The following PARD3B variants were observed in gnomAD, a reference collection of about 807,000 sequenced individuals.
PARD3B encodes par-3 family cell polarity regulator beta.
PARD3B carries 103 observed loss-of-function variants against 130.2 expected under a neutral mutation model. The ratio of observed to expected loss-of-function variants is 0.79; its 90% CI spans 0.67 to 0.93. The LOEUF (loss-of-function observed/expected upper bound fraction) is 0.93, where lower values mean the gene tolerates loss of function less well. PARD3B is among the 40% of genes least tolerant of loss of function. The pLI is 0.00. For synonymous variants in PARD3B, 583 were observed against 553.2 expected (o/e 1.05, Z -0.76); for missense variants, 1,609 against 1,499.2 (o/e 1.07, Z -1.21).
chr2:205,332,841 T>G (rs988824604), intron 18 of PARD3B, among the ~76,000 whole-genome samples: 2 of 152,144 alleles, frequency 1.3e-5, no homozygotes, highest in African/African-American at 4.8e-5. Context: ...TTGTCTCTAA[T>G]CCTCCCCACA....
intron 2 of PARD3B, among the ~76,000 whole-genome samples, chr2:204,687,366 G>C (rs1024187458): frequency 6.6e-6 from 1 of 152,026 alleles, no homozygotes; most frequent in Non-Finnish European, 1.5e-5. Context: ...AACTAACTAA[G>C]TTTTATAGTC....
chr2:205,477,979 A>G (rs1271510531), intron 20 of PARD3B, among the ~76,000 whole-genome samples: 2 of 152,236 alleles, frequency 1.3e-5, no homozygotes, highest in Non-Finnish European at 2.9e-5. Context: ...ATCCCAACCC[A>G]GGGCTAGCCT....
intron 20 of PARD3B, among the ~76,000 whole-genome samples, chr2:205,494,404 T>A (rs1293005460): frequency 6.6e-6 from 1 of 152,194 alleles, no homozygotes; most frequent in Non-Finnish European, 1.5e-5. Flanking sequence ...CTCTCAATCC[T>A]GGTCCTGATC....
At chr2:205,579,818 T>C (rs1224157182) in intron 22 of PARD3B, among the ~76,000 whole-genome samples, 2 of 152,234 alleles carry the variant, frequency 1.3e-5, no homozygotes, top group African/African-American at 4.8e-5. Context: ...TTCTGCACTA[T>C]TCTTTTTTAA....
At chr2:204,935,365 T>TA (rs1360391304) in intron 2 of PARD3B, among the ~76,000 whole-genome samples, 1 of 111,800 alleles carries the variant, frequency 8.9e-6, no homozygotes. Context: ...CTGTCTCTAC[T>TA]AAAAATACAA....
At chr2:204,939,404 ATTG>A (rs1373656594) in intron 2 of PARD3B, among the ~76,000 whole-genome samples, 1 of 152,196 alleles carries the variant, frequency 6.6e-6, no homozygotes, top group African/African-American at 2.4e-5. Flanking sequence ...CTTTAGAGGA[ATTG>A]TTGTGCTATA....
chr2:204,688,664 A>G (rs2037208127), intron 2 of PARD3B, among the ~76,000 whole-genome samples: 1 of 151,586 alleles, frequency 6.6e-6, no homozygotes, highest in Admixed American at 6.6e-5. Flanking sequence ...TATAGTCCAT[A>G]TGTCTATTGT....
rs576467024 is a variant in PARD3B, at chr2:205,361,103, A to G, written c.2631-39910A>G. ...CGTAATTTGGAGGAATGGTATAAGG[A>G]TAAGAAAAAAAAACTTGGAGGAGAC... On this transcript the variant is annotated intron_variant, in intron 18 of 22. Coordinates refer to ENST00000406610, the MANE Select transcript of PARD3B (RefSeq NM_001302769.2). Among the ~76,000 whole-genome samples, 12 of 152,276 alleles carry G rather than the reference A, an allele frequency of 7.9e-5. No individual in the cohort carries two copies. In the South Asian group the frequency reaches 2.3e-3, roughly 29 times the overall value.
intron 16 of PARD3B, among the ~76,000 whole-genome samples, chr2:205,297,129 C>T (rs1019493386): frequency 1.3e-5 from 2 of 152,056 alleles, no homozygotes; most frequent in Non-Finnish European, 2.9e-5. Context: ...CAACCAATAT[C>T]GCATCAGCTA....
At chr2:205,498,392 C>T (rs1278315312) in intron 20 of PARD3B, among the ~76,000 whole-genome samples, 1 of 149,906 alleles carries the variant, frequency 6.7e-6, no homozygotes, top group Non-Finnish European at 1.5e-5. Context: ...GTCCTAGCTA[C>T]TGGAGAGGCT....
At chr2:204,830,347 G>A (rs1293118574) in intron 2 of PARD3B, among the ~76,000 whole-genome samples, 1 of 152,154 alleles carries the variant, frequency 6.6e-6, no homozygotes, top group Non-Finnish European at 1.5e-5. Flanking sequence ...GTGGATTGCT[G>A]TTAGAGTTGT....
intron 2 of PARD3B, among the ~76,000 whole-genome samples, chr2:204,893,428 C>T (rs2046521681): frequency 6.6e-6 from 1 of 151,670 alleles, no homozygotes; most frequent in Non-Finnish European, 1.5e-5. Context: ...GAGATGACCA[C>T]AAGTATAACT....
chr2:204,613,094 G>T (rs1185989605), intron 1 of PARD3B, among the ~76,000 whole-genome samples: 1 of 151,792 alleles, frequency 6.6e-6, no homozygotes, highest in Non-Finnish European at 1.5e-5. Context: ...CATTTTGTTT[G>T]TTTAGTGATA....
chr2:204,901,920 C>T (rs1207610001), intron 2 of PARD3B, among the ~76,000 whole-genome samples: 1 of 152,048 alleles, frequency 6.6e-6, no homozygotes, highest in Admixed American at 6.5e-5. Flanking sequence ...GAGTGGGGGT[C>T]TCAGGAGTCT....
At chr2:204,793,674 A>G (rs1342304471) in intron 2 of PARD3B, among the ~76,000 whole-genome samples, 1 of 151,552 alleles carries the variant, frequency 6.6e-6, no homozygotes, top group African/African-American at 2.4e-5. Context: ...AGCCTGGCCA[A>G]TTTTTTGTAT....
At position 204,673,327 on chromosome 2, in the gene PARD3B, G is replaced by T. The variant is rs57144931; in HGVS notation, c.121-12854G>T. Among the ~76,000 whole-genome samples, 2 of 152,152 alleles carry T rather than the reference G, an allele frequency of 1.3e-5. No homozygotes were observed. The highest frequency in any genetic ancestry group is 3.9e-4 in the East Asian group (2 of 5,176). Reference sequence around the variant, plus strand: ...AACATATTTAATGCTGATGTAAAAAGTAGTAGAATTTTATTTCATTTTGTA... The same window carrying T: ...AACATATTTAATGCTGATGTAAAAATTAGTAGAATTTTATTTCATTTTGTA... On this transcript the variant is annotated intron_variant, in intron 1 of 22. Coordinates refer to ENST00000406610, the MANE Select transcript of PARD3B (RefSeq NM_001302769.2). This position sits in a 1 kb window ranked among gnomAD's most constrained non-coding sequence, Gnocchi z 4.7.
Position 205,279,085 on chromosome 2 carries a change from A to AAAC in PARD3B, c.2186-21443_2186-21442insCAA, listed in dbSNP as rs1559616075. The stretch of plus-strand genomic sequence containing the variant: ...GAATCTGTCTCAAAAAAAAAAAAAA[A>AAAC]AAAAAAAAAAACAGTTGTTCATTGC... On this transcript the variant is annotated intron_variant, in intron 16 of 22. Transcript: ENST00000406610. 2.8e-4 allele frequency among the ~76,000 whole-genome samples: 42 copies of AAAC among 150,600 alleles called. 2 individuals are homozygous for AAAC. The highest frequency in any genetic ancestry group is 1.2e-4 in the Non-Finnish European group (8 of 67,638).
chr2:204,820,314 T>G (rs1015516317), intron 2 of PARD3B, among the ~76,000 whole-genome samples: 17 of 151,506 alleles, frequency 1.1e-4, no homozygotes, highest in African/African-American at 4.1e-4. Context: ...CGACCTTAAG[T>G]GATCCACCCC....
rs191567508 is a variant in PARD3B, at chr2:204,737,111, T to C, written c.222+50829T>C. On this transcript the variant is annotated intron_variant, in intron 2 of 22. Transcript: ENST00000406610. Reference sequence around the variant, plus strand: ...ACAGCTATGGAATTACAGCTGGAATTACAGCACATGCCACCATGCCCAGCT... The same window carrying C: ...ACAGCTATGGAATTACAGCTGGAATCACAGCACATGCCACCATGCCCAGCT... Among the ~76,000 whole-genome samples, 8 of 152,252 alleles carry C rather than the reference T, an allele frequency of 5.3e-5. No homozygotes were observed. The East Asian group carries it at 1.5e-3, about 29-fold the overall frequency.
Sources: gnomAD v4.1 joint callset for allele counts (sites outside exome capture counted in the v4.1 genomes callset) on GRCh38, gnomAD v4.1.1 for gene constraint, Gnocchi (gnomAD v3.1) non-coding constraint, MANE v1.5 for transcripts, NCBI Gene and HGNC (gene_info 2026-07-23, HGNC 2026-07-21) for gene names.